The following COMMD1 variants were observed in gnomAD, a reference collection of about 807,000 sequenced individuals.
The protein encoded by COMMD1 is COMM domain-containing protein 1.
A neutral mutation model predicts 17.2 loss-of-function variants in COMMD1; 10 were observed. The observed-to-expected ratio is 0.58, with a 90% CI of 0.36 to 0.99. The LOEUF is 0.99. COMMD1 is among the 50% of genes least tolerant of loss of function. COMMD1 has a pLI of 0.01. For synonymous variants in COMMD1, 97 were observed against 91.6 expected (o/e 1.06, Z -0.34); for missense variants, 270 against 231.8 (o/e 1.17, Z -1.07).
intron 1 of COMMD1, among the ~76,000 whole-genome samples, chr2:61,958,773 A>G (rs539037654): frequency 1.3e-5 from 2 of 152,208 alleles, no homozygotes; most frequent in East Asian, 3.9e-4. Context: ...TTTTTTAGAG[A>G]AAACTTTTTT....
chr2:61,914,104 G>A (rs1409261773), intron 1 of COMMD1, among the ~76,000 whole-genome samples: 4 of 148,550 alleles, frequency 2.7e-5, no homozygotes, highest in South Asian at 2.1e-4. Flanking sequence ...CCCAGGAGGC[G>A]GAGCTTGCAG....
chr2:62,022,228 G>A (rs999299129), intron 2 of COMMD1, among the ~76,000 whole-genome samples: 4 of 151,958 alleles, frequency 2.6e-5, no homozygotes, highest in Non-Finnish European at 4.4e-5. Flanking sequence ...AGGGCAGATA[G>A]TATACAATCG....
chr2:61,901,704 A>G (rs985620821), upstream of COMMD1, among the ~76,000 whole-genome samples: 28 of 152,308 alleles, frequency 1.8e-4, no homozygotes, highest in African/African-American at 6.5e-4. Flanking sequence ...ACAGTATTAC[A>G]TGTACACTGT....
intron 2 of COMMD1, among the ~76,000 whole-genome samples, chr2:62,060,440 T>A (rs569763149): frequency 3.3e-5 from 5 of 152,334 alleles, no homozygotes; most frequent in African/African-American, 1.2e-4. Context: ...TGTCATGGTT[T>A]TTTCTTAATG....
chr2:62,098,929 T>G (rs1000154080), intron 2 of COMMD1, among the ~76,000 whole-genome samples: 1 of 152,194 alleles, frequency 6.6e-6, no homozygotes, highest in Non-Finnish European at 1.5e-5. Flanking sequence ...CTTAGCAAAC[T>G]TAAAGGGATC....
At chr2:61,949,389 G>T (rs950830172) in intron 1 of COMMD1, among the ~76,000 whole-genome samples, 6 of 152,144 alleles carry the variant, frequency 3.9e-5, no homozygotes, top group African/African-American at 1.4e-4. Context: ...AAGAGTTCCA[G>T]CCCAACGAGT....
At chr2:62,120,318 T>A (rs936434581) in intron 2 of COMMD1, among the ~76,000 whole-genome samples, 1 of 151,660 alleles carries the variant, frequency 6.6e-6, no homozygotes, top group Non-Finnish European at 1.5e-5. Flanking sequence ...TTTTTTTTTT[T>A]CTTCAATTCC....
At chr2:62,047,744 C>G (rs140974181) in intron 2 of COMMD1, among the ~76,000 whole-genome samples, 1 of 152,096 alleles carries the variant, frequency 6.6e-6, no homozygotes, top group Non-Finnish European at 1.5e-5. Context: ...TGAGCCACTT[C>G]GCCTGGCCGG....
intron 2 of COMMD1, among the ~76,000 whole-genome samples, chr2:62,065,218 G>T (rs1478826487): frequency 6.6e-6 from 1 of 151,892 alleles, no homozygotes; most frequent in South Asian, 2.1e-4. Context: ...GTAAGTAGGC[G>T]ATGAAGCTTG....
intron 2 of COMMD1, among the ~76,000 whole-genome samples, chr2:62,094,530 GA>G (rs1671946384): frequency 6.6e-6 from 1 of 151,970 alleles, no homozygotes; most frequent in Non-Finnish European, 1.5e-5. Flanking sequence ...AGCATGAGGG[GA>G]CATTTACATT....
At chr2:61,909,826 A>G (rs964398236) in intron 1 of COMMD1, among the ~76,000 whole-genome samples, 1 of 152,238 alleles carries the variant, frequency 6.6e-6, no homozygotes, top group Non-Finnish European at 1.5e-5. Context: ...ACACGTGTTA[A>G]CAGCCTCCTT....
chr2:61,888,656 G>A (rs201156650), upstream of COMMD1: 3,142 of 927,482 alleles, frequency 3.4e-3, 18 homozygotes, highest in Non-Finnish European at 4.4e-3. Context: ...AGGCGGAGAA[G>A]GGGGCCTTCC....
chr2:61,988,348 G>C (rs891048093), intron 1 of COMMD1, among the ~76,000 whole-genome samples: 5 of 152,160 alleles, frequency 3.3e-5, no homozygotes, highest in Non-Finnish European at 7.3e-5. Flanking sequence ...TGATTATTCA[G>C]GGCTGAAAGG....
chr2:62,027,621 T>TTTATG (rs56724339), intron 2 of COMMD1, among the ~76,000 whole-genome samples: 8,122 of 146,626 alleles, frequency 0.055, 276 homozygotes, highest in East Asian at 0.17. Context: ...TATGCCTTAA[T>TTTATG]TTATGTTATG....
chr2:61,888,556 G>T, upstream of COMMD1: 11 of 1,588,486 alleles, frequency 6.9e-6, no homozygotes, highest in South Asian at 1.1e-5. Context: ...GGATGGACCC[G>T]GATTCTGGCC....
chr2:61,952,222 CCCTT>C (rs1671075851), intron 1 of COMMD1, among the ~76,000 whole-genome samples: 1 of 152,134 alleles, frequency 6.6e-6, no homozygotes. Flanking sequence ...AAAACTTAAC[CCCTT>C]CCTTGTTCAG....
chr2:62,087,879 C>T (rs908032452), intron 2 of COMMD1, among the ~76,000 whole-genome samples: 3 of 152,146 alleles, frequency 2.0e-5, no homozygotes, highest in Non-Finnish European at 4.4e-5. Context: ...TTTGCCTTAC[C>T]CTCAAAATTC....
chr2:62,003,281 C>A (rs537927583), intron 2 of COMMD1, among the ~76,000 whole-genome samples: 2 of 150,862 alleles, frequency 1.3e-5, no homozygotes, highest in East Asian at 3.9e-4. Context: ...GTGGCTCATG[C>A]CTGTAATCTC....
chr2:62,018,234 G>A (rs1669510136), intron 2 of COMMD1, among the ~76,000 whole-genome samples: 1 of 152,088 alleles, frequency 6.6e-6, no homozygotes, highest in Admixed American at 6.5e-5. Context: ...TGGAATTAGG[G>A]TAATTTAGGG....
Sources: gnomAD v4.1 joint callset for allele counts (sites outside exome capture counted in the v4.1 genomes callset) on GRCh38, gnomAD v4.1.1 for gene constraint, MANE v1.5 for transcripts, NCBI Gene and HGNC (gene_info 2026-07-23, HGNC 2026-07-21) for gene names.